The following POGK variants were observed in gnomAD, a reference collection of about 807,000 sequenced individuals.
The protein encoded by POGK is pogo transposable element derived with KRAB domain, also known as pogo transposable element with KRAB domain.
POGK carries 16 observed loss-of-function variants against 54.4 expected under a neutral mutation model. The observed-to-expected ratio is 0.29, with a 90% confidence interval of 0.20 to 0.45. The LOEUF is 0.45. POGK is among the 20% of genes least tolerant of loss of function. The pLI is 1.00. For synonymous variants in POGK, 271 were observed against 302.2 expected (o/e 0.90, Z 1.07); for missense variants, 515 against 795.6 (o/e 0.65, Z 4.24).
rs191567727 is a variant in POGK at position 166,846,648 on chromosome 1, T to G, written c.169T>G (p.Ser57Ala). Reference protein sequence around the residue: ...ALFDEVAIYFSDEEWEVLTEQ... With the variant: ...ALFDEVAIYFADEEWEVLTEQ... Reference sequence around the variant, plus strand: ...ATTTGATGAGGTGGCCATATATTTTTCCGATGAGGAATGGGAAGTTTTGAC... The same window carrying G: ...ATTTGATGAGGTGGCCATATATTTTGCCGATGAGGAATGGGAAGTTTTGAC... The change falls in exon 3 of 6, where the codon TCC (serine) becomes GCC (alanine). Residue 57 changes from serine (S) to alanine (A), a missense_variant. Coordinates refer to ENST00000367876, the MANE Select transcript of POGK (RefSeq NM_017542.5). The G allele has an allele frequency of 6.2e-7, 1 of 1,614,196 alleles. No homozygotes were observed. The highest frequency in any genetic ancestry group is 8.5e-7 in the Non-Finnish European group (1 of 1,180,030).
intron 2 of POGK, among the ~76,000 whole-genome samples, chr1:166,841,626 A>G (rs1017846688): frequency 1.3e-5 from 2 of 152,238 alleles, no homozygotes; most frequent in Admixed American, 6.5e-5. Context: ...GTCGGTTTAT[A>G]CAAATGCAAA....
chr1:166,847,745 G>A (rs1256442437), intron 4 of POGK, among the ~76,000 whole-genome samples, 153 bp downstream of exon 4: 4 of 152,230 alleles, frequency 2.6e-5, no homozygotes, highest in African/African-American at 9.6e-5. Flanking sequence ...ATGTGTGACA[G>A]TGTGTGACAG....
At chr1:166,845,428 A>G (rs1657807708) in intron 2 of POGK, among the ~76,000 whole-genome samples, 1 of 151,738 alleles carries the variant, frequency 6.6e-6, no homozygotes, top group African/African-American at 2.4e-5. Flanking sequence ...TGAAGCAGTT[A>G]CAGGCCCTTT....
rs1658216918 is a variant in POGK, at chr1:166,854,697, T to C, written c.*2127T>C. Reference sequence around the variant, plus strand: ...CATAAATAGCTTTTTTCCTCAGTCATGTTTTGTATGCTCTCAGCAGTGGTA... The same window carrying C: ...CATAAATAGCTTTTTTCCTCAGTCACGTTTTGTATGCTCTCAGCAGTGGTA... On this transcript the variant is annotated 3_prime_UTR_variant, in exon 6 of 6. Coordinates refer to ENST00000367876, the MANE Select transcript of POGK (RefSeq NM_017542.5). 1.3e-5 allele frequency: 2 copies of C among 152,218 alleles called. No homozygotes were observed. The highest frequency in any genetic ancestry group is 4.8e-5 in the African/African-American group (2 of 41,454). The allele number at this position is 152,218 out of a possible 1,614,324, so 9.4% of individuals were successfully genotyped here.
intron 2 of POGK, among the ~76,000 whole-genome samples, chr1:166,846,191 G>A (rs1657842081): frequency 6.6e-6 from 1 of 152,138 alleles, no homozygotes; most frequent in African/African-American, 2.4e-5. Flanking sequence ...CTTTTTCTGG[G>A]GTGGGAGGGA....
chr1:166,850,115 G>A lies in POGK; in HGVS notation c.1536G>A (p.Lys512=), dbSNP rs1657999952. The change falls in exon 5 of 6, where the codon AAG becomes AAA. Residue 512 remains lysine (K), a synonymous_variant. Transcript: ENST00000367876. ...AGGTGCTGGATGTCGTGGTCTACAA[G>A]CCACTGAATGACAGTGTGCGGGCCC... ...QLQVLDVVVY[K]PLNDSVRAQY... is the part of the protein sequence containing the mutation. 1 of 1,602,340 alleles carries A rather than the reference G, an allele frequency of 6.2e-7. No homozygotes were observed. The highest frequency in any genetic ancestry group is 1.3e-5 in the African/African-American group (1 of 74,892).
At position 166,849,269 on chromosome 1, in the gene POGK, C is replaced by CTCCA; in HGVS notation, c.690_691insTCCA (p.Val231SerfsTer89). On this transcript the variant is annotated frameshift_variant, in exon 5 of 6. Transcript: ENST00000367876. LOFTEE classifies it high-confidence loss of function. ...AGCAGTTTGGAGTATTGGAAAAAAA[C>CTCCA]GTTCGAGACTGGCGCAAAGTGAAGC... The CTCCA allele has an allele frequency of 6.2e-7, 1 of 1,614,214 alleles. No individual in the cohort carries two copies. Among genetic ancestry groups the CTCCA allele is most frequent in the Non-Finnish European group, 8.5e-7 (1 of 1,180,048 alleles).
Position 166,850,095 on chromosome 1 carries a change from C to T in POGK, c.1516C>T (p.Leu506=). 6.2e-7 allele frequency: 1 copy of T among 1,610,470 alleles called. No individual in the cohort carries two copies. Among genetic ancestry groups the T allele is most frequent in the South Asian group, 1.1e-5 (1 of 90,500 alleles). Reference sequence around the variant, plus strand: ...GGGTCTGACCTCACAGCTTCAGGTGCTGGATGTCGTGGTCTACAAGCCACT... The same window carrying T: ...GGGTCTGACCTCACAGCTTCAGGTGTTGGATGTCGTGGTCTACAAGCCACT... ...PGGLTSQLQV[L]DVVVYKPLND... is the part of the protein sequence containing the mutation. Residue 506 remains leucine (L), a synonymous_variant, in exon 5 of 6, where the codon CTG becomes TTG. Coordinates refer to ENST00000367876, the MANE Select transcript of POGK (RefSeq NM_017542.5).
rs757029029 is a variant in POGK at position 166,849,283 on chromosome 1, G to A, written c.704G>A (p.Arg235His). 7.3e-5 allele frequency: 118 copies of A among 1,614,094 alleles called. No homozygotes were observed. Among genetic ancestry groups the A allele is most frequent in the Non-Finnish European group, 9.5e-5 (112 of 1,180,054 alleles). The change falls in exon 5 of 6, where the codon CGC becomes CAC. Residue 235 changes from arginine (R) to histidine (H), a missense_variant. This residue lies in a region of POGK where 461 missense variants were observed against 743.5 expected (regional missense o/e 0.62). Coordinates refer to ENST00000367876, the MANE Select transcript of POGK (RefSeq NM_017542.5). ...GVLEKNVRDW[R>H]KVKPQLQNAH... ...TTGGAAAAAAACGTTCGAGACTGGC[G>A]CAAAGTGAAGCCACAGCTTCAAAAC...
At chr1:166,851,107 CT>C (rs1196960242) in intron 5 of POGK, 3 of 152,148 alleles carry the variant, frequency 2.0e-5, no homozygotes, top group African/African-American at 4.8e-5. Flanking sequence ...AAAATTTTGT[CT>C]GAAAAGCCAA....
intron 2 of POGK, among the ~76,000 whole-genome samples, chr1:166,841,679 T>TA (rs1409954564): frequency 6.6e-6 from 1 of 152,278 alleles, no homozygotes; most frequent in Non-Finnish European, 1.5e-5. Flanking sequence ...TCACCGTAGT[T>TA]ACTGGACTTC....
chr1:166,849,273 C>G lies in POGK; in HGVS notation c.694C>G (p.Arg232Gly). Reference protein sequence around the residue: ...KQFGVLEKNVRDWRKVKPQLQ... With the variant: ...KQFGVLEKNVGDWRKVKPQLQ... Reference sequence around the variant, plus strand: ...GTTTGGAGTATTGGAAAAAAACGTTCGAGACTGGCGCAAAGTGAAGCCACA... The same window carrying G: ...GTTTGGAGTATTGGAAAAAAACGTTGGAGACTGGCGCAAAGTGAAGCCACA... Residue 232 changes from arginine to glycine, a missense_variant, in exon 5 of 6, where the codon CGA (arginine) becomes GGA (glycine). Transcript: ENST00000367876. 6.2e-7 allele frequency: 1 copy of G among 1,614,212 alleles called. No homozygotes were observed. The highest frequency in any genetic ancestry group is 8.5e-7 in the Non-Finnish European group (1 of 1,180,048).
Position 166,850,121 on chromosome 1 carries a change from G to C in POGK, c.1542G>C (p.Leu514=). 6.3e-7 allele frequency: 1 copy of C among 1,599,654 alleles called. No homozygotes were observed. The highest frequency in any genetic ancestry group is 8.5e-7 in the Non-Finnish European group (1 of 1,172,788). The change falls in exon 5 of 6, where the codon CTG becomes CTC. Residue 514 remains leucine, a synonymous_variant. Transcript: ENST00000367876. Reference sequence around the variant, plus strand: ...TGGATGTCGTGGTCTACAAGCCACTGAATGACAGTGTGCGGGCCCAGTACT... The same window carrying C: ...TGGATGTCGTGGTCTACAAGCCACTCAATGACAGTGTGCGGGCCCAGTACT... ...QVLDVVVYKP[L]NDSVRAQYSN...
rs770902087 is a variant in POGK, at chr1:166,850,060, T to C, written c.1481T>C (p.Ile494Thr). Reference sequence around the variant, plus strand: ...GAAAGCATGAACACTGACATGGTGATCATCCCAGGGGGTCTGACCTCACAG... The same window carrying C: ...GAAAGCATGAACACTGACATGGTGACCATCCCAGGGGGTCTGACCTCACAG... ...SMESMNTDMV[I>T]IPGGLTSQLQ... Residue 494 changes from isoleucine (I) to threonine (T), a missense_variant, in exon 5 of 6, where the codon ATC becomes ACC. By Grantham distance (89) the Ile-to-Thr change is moderately conservative. This residue lies in a region of POGK where 461 missense variants were observed against 743.5 expected (regional missense o/e 0.62). Transcript: ENST00000367876. 6.2e-7 allele frequency: 1 copy of C among 1,614,172 alleles called. No homozygotes were observed. The highest frequency in any genetic ancestry group is 1.7e-5 in the Admixed American group (1 of 60,016).
At chr1:166,846,864 T>C (rs1397161468) in intron 3 of POGK, 126 bp downstream of exon 3, 5 of 1,282,964 alleles carry the variant, frequency 3.9e-6, no homozygotes, top group Non-Finnish European at 5.4e-6. Flanking sequence ...TCAATGTCTG[T>C]GCCCATTTAT....
chr1:166,850,383 A>G lies in POGK; in HGVS notation c.1804A>G (p.Thr602Ala), dbSNP rs1417609965. The G allele has an allele frequency of 6.2e-7, 1 of 1,611,320 alleles. No homozygotes were observed. The highest frequency in any genetic ancestry group is 8.5e-7 in the Non-Finnish European group (1 of 1,179,334). The change falls in exon 5 of 6, where the codon ACC (threonine) becomes GCC (alanine). Residue 602 changes from threonine (T) to alanine (A), a missense_variant. Coordinates refer to ENST00000367876, the MANE Select transcript of POGK (RefSeq NM_017542.5). ...GGGEPPKDCD[T>A]ESMAESN ...AGGAGAACCACCAAAAGATTGTGAC[A>G]CCGAAAGCATGGCTGAGAGCAACTG...
At chr1:166,845,449 G>A (rs1336230264) in intron 2 of POGK, among the ~76,000 whole-genome samples, 1 of 152,016 alleles carries the variant, frequency 6.6e-6, no homozygotes. Flanking sequence ...CCTAGTACGT[G>A]CTTCCTATGT....
intron 5 of POGK, 195 bp from the exon 6 acceptor site, chr1:166,852,390 A>G (rs1328153588): frequency 6.6e-6 from 1 of 152,238 alleles, no homozygotes; most frequent in African/African-American, 2.4e-5. Context: ...AGTCTGCCAC[A>G]ATTCTCTCTG....
In POGK at chr1:166,856,025, C is replaced by T. The variant is rs538222109; in HGVS notation, c.*3455C>T. Reference sequence around the variant, plus strand: ...TTTTTTTAAGAAGTCTTAATCTATACATAAGAAATTACATACCTGGCCAGG... The same window carrying T: ...TTTTTTTAAGAAGTCTTAATCTATATATAAGAAATTACATACCTGGCCAGG... On this transcript the variant is annotated 3_prime_UTR_variant, in exon 6 of 6. Transcript: ENST00000367876. The T allele has an allele frequency of 6.6e-6, 1 of 152,076 alleles. No individual in the cohort carries two copies. The highest frequency in any genetic ancestry group is 2.1e-4 in the South Asian group (1 of 4,810). The allele number at this position is 152,076 out of a possible 1,614,324, so 9.4% of individuals were successfully genotyped here.
Sources: allele counts gnomAD v4.1 joint callset (sites outside exome capture counted in the v4.1 genomes callset), GRCh38; gene constraint gnomAD v4.1.1; regional missense constraint gnomAD v4.1.1; transcripts MANE v1.5; gene names NCBI Gene and HGNC (gene_info 2026-07-23, HGNC 2026-07-21).